The following RNF217 variants were observed in gnomAD, a reference collection of about 807,000 sequenced individuals.
The protein encoded by RNF217 is ring finger protein 217, also known as E3 ubiquitin-protein ligase RNF217.
RNF217 carries 31 observed loss-of-function variants against 57.8 expected under a neutral mutation model. The ratio of observed to expected loss-of-function variants is 0.54; its 90% CI spans 0.40 to 0.72. The LOEUF is 0.72. Among genes scored for constraint, RNF217 ranks in the 30% least tolerant of loss-of-function variants. The probability of loss-of-function intolerance (pLI) is 0.00; values close to 1 mark genes in which losing one functional copy is unlikely to be tolerated. For synonymous variants in RNF217, 313 were observed against 294.0 expected (o/e 1.06, Z -0.66); for missense variants, 696 against 708.3 (o/e 0.98, Z 0.20).
chr6:124,965,287 T>C (rs948261086), intron 1 of RNF217, among the ~76,000 whole-genome samples: 2 of 152,062 alleles, frequency 1.3e-5, no homozygotes, highest in Non-Finnish European at 2.9e-5. Context: ...ATAATACACA[T>C]TATTGGCCGG....
At chr6:125,034,891 TCTC>T (rs1474168257) in intron 1 of RNF217, among the ~76,000 whole-genome samples, 1 of 152,076 alleles carries the variant, frequency 6.6e-6, no homozygotes, top group Non-Finnish European at 1.5e-5. Flanking sequence ...GGTTTGTAGT[TCTC>T]CTTGAAGAGG....
rs1269468286 is a variant in RNF217 at position 125,089,423 on chromosome 6, G to A, written c.*6486G>A. 7 of 152,094 alleles carry A rather than the reference G, an allele frequency of 4.6e-5. No homozygotes were observed. The highest frequency in any genetic ancestry group is 3.9e-4 in the Admixed American group (6 of 15,254). The allele number at this position is 152,094 out of a possible 1,614,324, so 9.4% of individuals were successfully genotyped here. ...ACGTCCTACAGCTTGGACTTGGGGT[G>A]GATTTATATAGTGTAGCATTTGTAT... On this transcript the variant is annotated 3_prime_UTR_variant, in exon 6 of 6. Transcript: ENST00000521654.
intron 1 of RNF217, among the ~76,000 whole-genome samples, chr6:125,024,175 G>C (rs946588217): frequency 6.6e-6 from 1 of 152,172 alleles, no homozygotes; most frequent in Non-Finnish European, 1.5e-5. Context: ...AGATGTAAAT[G>C]ATTGTTTGAA....
At chr6:125,037,609 A>C (rs1289171465) in intron 1 of RNF217, among the ~76,000 whole-genome samples, 1 of 152,120 alleles carries the variant, frequency 6.6e-6, no homozygotes, top group African/African-American at 2.4e-5. Flanking sequence ...TAGAGCAGGC[A>C]CCTTCCCATA....
intron 1 of RNF217, among the ~76,000 whole-genome samples, chr6:124,992,074 G>A (rs756673850): frequency 7.9e-5 from 12 of 152,120 alleles, no homozygotes; most frequent in Admixed American, 2.6e-4. Flanking sequence ...TGCAAATTCT[G>A]ATTTACTAAG....
At chr6:125,014,622 A>G (rs978680542) in intron 1 of RNF217, among the ~76,000 whole-genome samples, 30 of 152,184 alleles carry the variant, frequency 2.0e-4, no homozygotes, top group African/African-American at 7.2e-4. Flanking sequence ...AATTATGGTC[A>G]GAAGCAGTTC....
intron 1 of RNF217, among the ~76,000 whole-genome samples, chr6:125,018,674 G>C (rs980410668): frequency 6.6e-6 from 1 of 152,198 alleles, no homozygotes; most frequent in Non-Finnish European, 1.5e-5. Flanking sequence ...AAAGAGGCTA[G>C]TGTGCACCAG....
At chr6:124,976,322 G>A (rs1289004369) in intron 1 of RNF217, among the ~76,000 whole-genome samples, 2 of 135,814 alleles carry the variant, frequency 1.5e-5, no homozygotes, top group African/African-American at 5.4e-5. Flanking sequence ...GGGCTGGAGT[G>A]CAGTGGTGTA....
chr6:124,987,313 C>T (rs1784398677), intron 1 of RNF217, among the ~76,000 whole-genome samples: 1 of 152,084 alleles, frequency 6.6e-6, no homozygotes, highest in African/African-American at 2.4e-5. Context: ...GTATCACTAC[C>T]TAATTTTGAA....
Position 125,090,107 on chromosome 6 carries a change from T to A in RNF217, c.*7170T>A, listed in dbSNP as rs1481446160. 1 of 152,036 alleles carries A rather than the reference T, an allele frequency of 6.6e-6. No individual in the cohort carries two copies. The highest frequency in any genetic ancestry group is 1.5e-5 in the Non-Finnish European group (1 of 67,998). 9.4% of individuals were successfully genotyped at this position (152,036 alleles called of 1,614,324 possible). On this transcript the variant is annotated 3_prime_UTR_variant, in exon 6 of 6. Transcript: ENST00000521654. ...TTGATCATTTTCATCACAATTGCAA[T>A]CCTCTAGAGGGTATTTTAAAAAGTA...
intron 1 of RNF217, among the ~76,000 whole-genome samples, chr6:125,028,390 A>G (rs890218915): frequency 2.0e-5 from 3 of 152,000 alleles, no homozygotes; most frequent in Admixed American, 6.6e-5. Context: ...GTCTATTCAA[A>G]TCTTTTGCCC....
chr6:124,990,400 T>C lies in RNF217; in HGVS notation c.882+26974T>C, dbSNP rs574029988. Among the ~76,000 whole-genome samples, 12 of 152,322 alleles carry C rather than the reference T, an allele frequency of 7.9e-5. No individual in the cohort carries two copies. In the East Asian group the frequency reaches 2.1e-3, roughly 27 times the overall value. Reference sequence around the variant, plus strand: ...AACTCCAGACTTGTTTATACATCTATGTAATATATCTGCAATTGATTTTAT... The same window carrying C: ...AACTCCAGACTTGTTTATACATCTACGTAATATATCTGCAATTGATTTTAT... On this transcript the variant is annotated intron_variant, in intron 1 of 5. Transcript: ENST00000521654.
At chr6:125,034,928 G>T (rs1360043079) in intron 1 of RNF217, among the ~76,000 whole-genome samples, 1 of 152,044 alleles carries the variant, frequency 6.6e-6, no homozygotes, top group African/African-American at 2.4e-5. Context: ...TTGTAAGTTG[G>T]ATTCCTAAAT....
chr6:125,075,921 G>T (rs1452786539), intron 3 of RNF217, among the ~76,000 whole-genome samples: 1 of 151,922 alleles, frequency 6.6e-6, no homozygotes, highest in Non-Finnish European at 1.5e-5. Context: ...TATGGTGTAT[G>T]TATATATACC....
At chr6:125,040,655 A>G (rs1786844668) in intron 1 of RNF217, among the ~76,000 whole-genome samples, 1 of 152,214 alleles carries the variant, frequency 6.6e-6, no homozygotes. Flanking sequence ...ACTTCAGGCC[A>G]AAATCCCTCA....
At chr6:125,082,343 G>A (rs972420050) in intron 5 of RNF217, 2 of 1,171,436 alleles carry the variant, frequency 1.7e-6, no homozygotes, top group East Asian at 5.7e-5. Flanking sequence ...GGTTTAGCAA[G>A]TAATAAATGT....
chr6:125,041,622 C>T (rs1786883550), intron 1 of RNF217, among the ~76,000 whole-genome samples: 1 of 152,038 alleles, frequency 6.6e-6, no homozygotes, highest in Non-Finnish European at 1.5e-5. Flanking sequence ...CCTTTGTTTG[C>T]TGTCTCTTCC....
chr6:124,983,063 T>C (rs1045932375), intron 1 of RNF217, among the ~76,000 whole-genome samples: 1 of 152,238 alleles, frequency 6.6e-6, no homozygotes, highest in Non-Finnish European at 1.5e-5. Flanking sequence ...GCTTTCTATA[T>C]ATTTCTTCTT....
intron 1 of RNF217, among the ~76,000 whole-genome samples, chr6:125,041,238 A>G (rs1182003074): frequency 1.3e-5 from 2 of 152,048 alleles, no homozygotes; most frequent in Non-Finnish European, 2.9e-5. Context: ...CCACTTCCAA[A>G]ATACACCCTG....
Sources: gnomAD v4.1 joint callset for allele counts (sites outside exome capture counted in the v4.1 genomes callset) on GRCh38, gnomAD v4.1.1 for gene constraint, MANE v1.5 for transcripts, NCBI Gene and HGNC (gene_info 2026-07-23, HGNC 2026-07-21) for gene names.